The following TARM1 variants were observed in gnomAD, a reference collection of about 807,000 sequenced individuals.
The protein encoded by TARM1 is T-cell-interacting, activating receptor on myeloid cells protein 1.
TARM1 carries 24 observed loss-of-function variants against 30.4 expected under a neutral mutation model. The observed-to-expected ratio is 0.79, with a 90% CI of 0.57 to 1.11. The LOEUF (loss-of-function observed/expected upper bound fraction) is 1.11, where lower values mean the gene tolerates loss of function less well. Ranked by LOEUF, TARM1 falls within the 50% of genes least tolerant of loss-of-function variation. The pLI is 0.00. For synonymous variants in TARM1, 129 were observed against 138.9 expected (o/e 0.93, Z 0.50); for missense variants, 323 against 332.8 (o/e 0.97, Z 0.23).
chr19:54,072,700 T>C (rs1056143554), intron 4 of TARM1, among the ~76,000 whole-genome samples: 3 of 151,864 alleles, frequency 2.0e-5, no homozygotes, highest in East Asian at 3.9e-4. Context: ...AAACACGCCA[T>C]GCACAGTGGT....
chr19:54,080,492 AAGGG>A (rs1451276410), intron 1 of TARM1, among the ~76,000 whole-genome samples: 1,031 of 80,350 alleles, frequency 0.013, 10 homozygotes, highest in South Asian at 0.06. Context: ...GAGAGGAAGG[AAGGG>A]AGGAAGGAAG....
intron 4 of TARM1, 47 bp downstream of exon 4, chr19:54,073,873 G>A (rs1379856313): frequency 6.6e-7 from 1 of 1,517,574 alleles, no homozygotes; most frequent in Admixed American, 2.0e-5. Flanking sequence ...AACAATCTCT[G>A]ATTAAAAACA....
rs377017019 is a variant in TARM1, at chr19:54,070,117, G to A, written c.702C>T (p.Phe234=). The part of the protein sequence containing the change: ...TTSSNYSLGN[F]VRLGLAAVIV... ...TTACGGCAGCCAGACCCAGTCGTAC[G>A]AAGTTACCCAGGGAGTAGTTGCTCG... The change falls in exon 5 of 5, where the codon TTC becomes TTT. Residue 234 remains phenylalanine, a synonymous_variant. Transcript: ENST00000432826. 46 of 1,551,548 alleles carry A rather than the reference G, an allele frequency of 3.0e-5. No individual in the cohort carries two copies. The highest frequency in any genetic ancestry group is 3.7e-5 in the Non-Finnish European group (42 of 1,146,992).
intron 1 of TARM1, among the ~76,000 whole-genome samples, chr19:54,080,304 C>T (rs1396566604): frequency 3.3e-5 from 5 of 150,258 alleles, no homozygotes; most frequent in Non-Finnish European, 5.9e-5. Context: ...GTGAAACCTA[C>T]GAAAAAAGCC....
At chr19:54,080,117 AAGGAAGGAAGGAAGGAAGG>A (rs2072069354) in intron 1 of TARM1, among the ~76,000 whole-genome samples, 1 of 36,338 alleles carries the variant, frequency 2.8e-5, no homozygotes, top group Non-Finnish European at 6.1e-5. Context: ...GGAAGGAAGG[AAGGAAGGAAGGAAGGAAGG>A]AAGAAAGCAA....
chr19:54,075,977 C>G, intron 1 of TARM1, 59 bp from the exon 2 acceptor site: 3 of 1,542,260 alleles, frequency 1.9e-6, no homozygotes, highest in Middle Eastern at 3.3e-4. Flanking sequence ...CACCCCCTGC[C>G]CTGACCCCTG....
chr19:54,073,354 A>G (rs1187876357), intron 4 of TARM1, among the ~76,000 whole-genome samples: 43 of 122,354 alleles, frequency 3.5e-4, no homozygotes, highest in African/African-American at 1.3e-3. Flanking sequence ...GGTTGCAGTG[A>G]GCGAAGATCG....
At chr19:54,076,324 CTT>C (rs1463522242) in intron 1 of TARM1, 2 of 762,436 alleles carry the variant, frequency 2.6e-6, no homozygotes, top group Non-Finnish European at 3.7e-6. Flanking sequence ...CTCTTTCTTT[CTT>C]TTTCTTTCTT....
At chr19:54,080,038 A>AAGGAAGGAAGGAAGGAGGGG (rs2072057957) in intron 1 of TARM1, among the ~76,000 whole-genome samples, 1 of 139,190 alleles carries the variant, frequency 7.2e-6, no homozygotes, top group Non-Finnish European at 1.6e-5. Context: ...GGAAGGAAGG[A>AAGGAAGGAAGGAAGGAGGGG]AGGAAGGAAG....
Position 54,074,063 on chromosome 19 carries a change from T to C in TARM1, c.515A>G (p.Gln172Arg), listed in dbSNP as rs1243514147. The change falls in exon 4 of 5, where the codon CAG (glutamine) becomes CGG (arginine). Residue 172 changes from glutamine to arginine, a missense_variant. By Grantham distance (43) the Gln-to-Arg change is conservative. Coordinates refer to ENST00000432826, the MANE Select transcript of TARM1 (RefSeq NM_001135686.3). The stretch of plus-strand genomic sequence containing the variant: ...GTCTATCTCCTTCCCCGCTGGACTC[T>C]GCAGCTGGATGGGTGATGGCGTCCC... ...KAGTPSPIQL[Q>R]SPAGKEIDFS... 5.2e-6 allele frequency: 8 copies of C among 1,551,602 alleles called. No individual in the cohort carries two copies. The highest frequency in any genetic ancestry group is 1.4e-5 in the African/African-American group (1 of 73,052).
chr19:54,069,896 G>A lies in TARM1; in HGVS notation c.*107C>T. 1 of 856,394 alleles carries A rather than the reference G, an allele frequency of 1.2e-6. No individual in the cohort carries two copies. The highest frequency in any genetic ancestry group is 2.7e-5 in the East Asian group (1 of 37,142). The allele number at this position is 856,394 out of a possible 1,614,324, so 53.0% of individuals were successfully genotyped here. Reference sequence around the variant, plus strand: ...TTGTGTCTTTGGGTCTTTGTGACCTGTATGTTGTGACCTGTCTCATCCTGT... The same window carrying A: ...TTGTGTCTTTGGGTCTTTGTGACCTATATGTTGTGACCTGTCTCATCCTGT... On this transcript the variant is annotated 3_prime_UTR_variant, in exon 5 of 5. Transcript: ENST00000432826.
At chr19:54,074,696 C>G in intron 3 of TARM1, 128 bp downstream of exon 3, 1 of 1,024,584 alleles carries the variant, frequency 9.8e-7, no homozygotes, top group Non-Finnish European at 1.4e-6. Flanking sequence ...CAATTTCGTT[C>G]CTGTCTCTCT....
chr19:54,078,220 C>G (rs2072009658), intron 1 of TARM1, among the ~76,000 whole-genome samples: 1 of 109,372 alleles, frequency 9.1e-6, no homozygotes, highest in South Asian at 3.1e-4. Flanking sequence ...GGGTCTCGCT[C>G]TGCTGCCCAG....
rs1433955831 is a variant in TARM1, at chr19:54,074,998, C to A, written c.187G>T (p.Gly63Ter). ...TTCGGGGACTCCAGAATAATTCCTC[C>A]CTTCCTGAGAACAAAGCTCACACCT... ...ARGVSFVLRK[G>*]GIILESPKPL... is the part of the protein sequence containing the mutation. The change falls in exon 3 of 5, where the codon GGA becomes TGA. Residue 63 changes from glycine (G) to a stop codon, truncating the protein, a stop_gained. Transcript: ENST00000432826. LOFTEE classifies it high-confidence loss of function. The A allele has an allele frequency of 6.4e-7, 1 of 1,551,482 alleles. No homozygotes were observed. Among genetic ancestry groups the A allele is most frequent in the Non-Finnish European group, 8.7e-7 (1 of 1,146,966 alleles).
At chr19:54,079,265 G>GAAAAA (rs587622719) in intron 1 of TARM1, among the ~76,000 whole-genome samples, 1 of 112,046 alleles carries the variant, frequency 8.9e-6, no homozygotes, top group Non-Finnish European at 1.7e-5. Context: ...CTCCATCTCC[G>GAAAAA]AAAAAAAAAA....
chr19:54,070,875 G>A (rs1019543547), intron 4 of TARM1, among the ~76,000 whole-genome samples: 1 of 152,192 alleles, frequency 6.6e-6, no homozygotes, highest in African/African-American at 2.4e-5. Context: ...GCCTCCCAAA[G>A]TGTTGGGATT....
chr19:54,076,426 A>C (rs906779774), intron 1 of TARM1: 50 of 489,650 alleles, frequency 1.0e-4, no homozygotes, highest in Non-Finnish European at 1.8e-4. Context: ...AGAGTGACGC[A>C]ATCTCGGCTC....
At chr19:54,079,590 G>A (rs1002039215) in intron 1 of TARM1, among the ~76,000 whole-genome samples, 7 of 152,156 alleles carry the variant, frequency 4.6e-5, no homozygotes, top group Non-Finnish European at 7.4e-5. Context: ...AGTGGCTCAC[G>A]CCTGTAATCC....
intron 1 of TARM1, among the ~76,000 whole-genome samples, chr19:54,080,491 GAAGGGAGGAA>G (rs2072098777): frequency 1.2e-5 from 1 of 82,426 alleles, no homozygotes; most frequent in Non-Finnish European, 2.3e-5. Context: ...AGAGAGGAAG[GAAGGGAGGAA>G]GGAAGGAAGG....
Sources: allele counts gnomAD v4.1 joint callset (sites outside exome capture counted in the v4.1 genomes callset), GRCh38; gene constraint gnomAD v4.1.1; transcripts MANE v1.5; gene names NCBI Gene and HGNC (gene_info 2026-07-23, HGNC 2026-07-21).